The following PCDH11X variants were observed in gnomAD, a reference collection of about 807,000 sequenced individuals.
PCDH11X encodes protocadherin 11 X-linked, also known as protocadherin-11 X-linked.
PCDH11X carries 18 observed loss-of-function variants against 53.3 expected under a neutral mutation model. The ratio of observed to expected loss-of-function variants is 0.34; its 90% CI spans 0.23 to 0.50. The LOEUF (loss-of-function observed/expected upper bound fraction) is 0.50. Among genes scored for constraint, PCDH11X ranks in the 20% least tolerant of loss-of-function variants. The pLI, the probability that PCDH11X is intolerant of heterozygous loss-of-function variation, is 0.98. For synonymous variants in PCDH11X, 279 were observed against 393.3 expected (o/e 0.71, Z 3.44); for missense variants, 570 against 1,032.4 (o/e 0.55, Z 6.14).
intron 10 of PCDH11X, among the ~76,000 whole-genome samples, chrX:92,472,613 C>T (rs1318778768): frequency 1.8e-5 from 2 of 108,774 alleles, no homozygotes; most frequent in Admixed American, 9.9e-5. Flanking sequence ...ATTTTTGGTA[C>T]CATATAAATT....
intron 10 of PCDH11X, among the ~76,000 whole-genome samples, chrX:92,496,539 C>T (rs998481024): frequency 1.9e-5 from 2 of 103,656 alleles, no homozygotes; most frequent in African/African-American, 7.4e-5. Flanking sequence ...AGCCTTTTTT[C>T]AGAGATGTAT....
At chrX:92,575,991 TA>T in intron 10 of PCDH11X, among the ~76,000 whole-genome samples, 1 of 41,430 alleles carries the variant, frequency 2.4e-5, no homozygotes, top group Admixed American at 2.6e-4. Context: ...TATATATATA[TA>T]TATATATATA....
chrX:92,273,681 A>G (rs1355318863), intron 8 of PCDH11X, among the ~76,000 whole-genome samples: 1 of 110,726 alleles, frequency 9.0e-6, no homozygotes, highest in Admixed American at 9.7e-5. Flanking sequence ...AGCTGAAGGA[A>G]GATTTGTGGT....
intron 6 of PCDH11X, among the ~76,000 whole-genome samples, chrX:92,033,359 T>C (rs1484467994): frequency 3.0e-5 from 3 of 98,484 alleles, no homozygotes; most frequent in Admixed American, 2.4e-4. Context: ...AGTGAAGCCA[T>C]TGGGTCCCAG....
At chrX:92,605,184 A>G (rs1425893969) in intron 10 of PCDH11X, among the ~76,000 whole-genome samples, 2 of 109,790 alleles carry the variant, frequency 1.8e-5, no homozygotes, top group African/African-American at 6.7e-5. Context: ...AAGCCTCAAT[A>G]ATTTGAAAAG....
At chrX:92,128,076 ATTC>A (rs201279840) in intron 6 of PCDH11X, among the ~76,000 whole-genome samples, 3,783 of 111,647 alleles carry the variant, frequency 0.034, 165 homozygotes, top group African/African-American at 0.12. Flanking sequence ...TAAAATTTCT[ATTC>A]TTTTAATTCT....
At position 92,461,170 on chromosome X, in the gene PCDH11X, A is replaced by G. The variant is rs566818535; in HGVS notation, c.3344-7129A>G. On this transcript the variant is annotated intron_variant, in intron 9 of 10. Coordinates refer to ENST00000682573, the MANE Select transcript of PCDH11X (RefSeq NM_032968.5). ...AAAGCCATCTACAATTCCTATCAAA[A>G]CACCGATGACATTCTTCAGAGAAAT... Among the ~76,000 whole-genome samples the G allele has an allele frequency of 2.7e-5, 3 of 110,212 alleles. No individual in the cohort carries two copies. In the East Asian group the frequency reaches 8.5e-4, roughly 31 times the overall value.
At chrX:92,329,597 G>A (rs971338071) in intron 8 of PCDH11X, among the ~76,000 whole-genome samples, 6 of 111,646 alleles carry the variant, frequency 5.4e-5, no homozygotes, top group Non-Finnish European at 1.1e-4. Context: ...AACAGACAAA[G>A]GGATGAAGAA....
Position 92,009,270 on chromosome X carries a change from A to C in PCDH11X, c.3033+129997A>C, listed in dbSNP as rs750955947. On this transcript the variant is annotated intron_variant, in intron 6 of 10. Transcript: ENST00000682573. ...TATTAAAATAGAGCTGTGGTTTGCT[A>C]TAATTTTCAGGGTATTTTGTGGTCA... Among the ~76,000 whole-genome samples, 235 of 111,909 alleles carry C rather than the reference A, an allele frequency of 2.1e-3. 3 individuals are homozygous for C. The highest frequency in any genetic ancestry group is 7.2e-3 in the African/African-American group (223 of 30,840).
At chrX:91,841,081 G>T (rs1444462436) in intron 5 of PCDH11X, among the ~76,000 whole-genome samples, 3 of 110,310 alleles carry the variant, frequency 2.7e-5, no homozygotes, top group African/African-American at 6.6e-5. Context: ...CGACTATGAG[G>T]TTTCTGAAAG....
chrX:91,956,596 C>A (rs1394136178), intron 6 of PCDH11X, among the ~76,000 whole-genome samples: 1 of 108,264 alleles, frequency 9.2e-6, no homozygotes, highest in Non-Finnish European at 1.9e-5. Flanking sequence ...TCTCTTCTGG[C>A]TTGTAGGATT....
At chrX:92,451,288 A>G (rs1399951969) in intron 9 of PCDH11X, among the ~76,000 whole-genome samples, 5 of 110,738 alleles carry the variant, frequency 4.5e-5, no homozygotes, top group Admixed American at 9.7e-5. Context: ...AAATCAGTGT[A>G]CCTCAAACTT....
intron 6 of PCDH11X, among the ~76,000 whole-genome samples, chrX:92,043,993 T>A (rs1401210077): frequency 6.3e-5 from 7 of 111,577 alleles, no homozygotes; most frequent in Admixed American, 9.6e-5. Flanking sequence ...ATTGTTGAAA[T>A]TCCTAAGGAT....
intron 4 of PCDH11X, among the ~76,000 whole-genome samples, chrX:91,813,774 G>A (rs1376109840): frequency 9.3e-6 from 1 of 107,653 alleles, no homozygotes; most frequent in Admixed American, 1.0e-4. Context: ...TGGTTGGATA[G>A]ATAATATATT....
intron 8 of PCDH11X, among the ~76,000 whole-genome samples, chrX:92,347,984 A>G (rs1263865067): frequency 8.9e-6 from 1 of 111,819 alleles, no homozygotes; most frequent in African/African-American, 3.3e-5. Flanking sequence ...GAGAAATTCA[A>G]AAAGAAAACA....
At chrX:91,926,076 G>GCA (rs4022270) in intron 6 of PCDH11X, among the ~76,000 whole-genome samples, 29,571 of 82,782 alleles carry the variant, frequency 0.36, 4,651 homozygotes, top group Non-Finnish European at 0.41. Flanking sequence ...ACACAAACAC[G>GCA]CACACACACA....
chrX:92,553,034 T>TGTGTGTGTG (rs2074987325), intron 10 of PCDH11X, among the ~76,000 whole-genome samples: 1 of 107,333 alleles, frequency 9.3e-6, no homozygotes, highest in African/African-American at 3.4e-5. Context: ...TGTGTGTGTG[T>TGTGTGTGTG]TTCTTGATGT....
intron 10 of PCDH11X, among the ~76,000 whole-genome samples, chrX:92,538,616 A>G (rs1479594872): frequency 5.0e-5 from 5 of 100,513 alleles, no homozygotes; most frequent in Non-Finnish European, 1.0e-4. Context: ...ACAACATAGC[A>G]AAGATTGCAT....
chrX:92,159,961 T>G (rs186199470), intron 6 of PCDH11X, among the ~76,000 whole-genome samples: 110 of 109,426 alleles, frequency 1.0e-3, no homozygotes, highest in Non-Finnish European at 1.7e-3. Flanking sequence ...TTCCTTAATG[T>G]TTCAGTTTGA....
Sources: gnomAD v4.1 joint callset for allele counts (sites outside exome capture counted in the v4.1 genomes callset) on GRCh38, gnomAD v4.1.1 for gene constraint, MANE v1.5 for transcripts, NCBI Gene and HGNC (gene_info 2026-07-23, HGNC 2026-07-21) for gene names.